Variants in DLGAP1 observed in about 807,000 individuals in gnomAD.
The protein encoded by DLGAP1 is disks large-associated protein 1.
Under a neutral mutation model 90.8 loss-of-function variants are expected in DLGAP1, and 11 were observed. That is an observed-to-expected ratio of 0.12 (90% confidence interval 0.08 to 0.20). The LOEUF (loss-of-function observed/expected upper bound fraction) is 0.20. DLGAP1 is among the 10% of genes least tolerant of loss of function. The pLI, the probability that DLGAP1 is intolerant of heterozygous loss-of-function variation, is 1.00. For synonymous variants in DLGAP1, 558 were observed against 540.7 expected, an observed-to-expected ratio of 1.03 and a Z score of -0.44; for missense variants, 1,050 against 1,333.8, an observed-to-expected ratio of 0.79 and a Z score of 3.31.
At chr18:4,055,757 A>ATG (rs988676474) in intron 2 of DLGAP1, among the ~76,000 whole-genome samples, 31 of 152,116 alleles carry the variant, frequency 2.0e-4, no homozygotes, top group African/African-American at 7.5e-4. Flanking sequence ...GAATGGTGAG[A>ATG]TGTGTGTGGG....
chr18:3,956,461 G>C (rs1383970945), intron 3 of DLGAP1, among the ~76,000 whole-genome samples: 1 of 151,534 alleles, frequency 6.6e-6, no homozygotes, highest in East Asian at 1.9e-4. Flanking sequence ...CCATTCTCCT[G>C]CCTCAGCCTC....
chr18:3,864,450 C>G (rs1027365010), intron 4 of DLGAP1, among the ~76,000 whole-genome samples: 3 of 152,126 alleles, frequency 2.0e-5, no homozygotes, highest in African/African-American at 4.8e-5. Flanking sequence ...GAAGTGGAGG[C>G]TTTTAAACAT....
At chr18:4,058,750 T>C (rs1305642395) in intron 2 of DLGAP1, among the ~76,000 whole-genome samples, 2 of 152,334 alleles carry the variant, frequency 1.3e-5, no homozygotes, top group Non-Finnish European at 1.5e-5. Context: ...ATAATGTCCA[T>C]GCCCTTTTCA....
At chr18:3,623,788 A>C (rs1332928947) in intron 7 of DLGAP1, among the ~76,000 whole-genome samples, 3 of 151,764 alleles carry the variant, frequency 2.0e-5, no homozygotes, top group Non-Finnish European at 4.4e-5. Context: ...AAAAAAAAAA[A>C]AAAAAAAAAG....
chr18:4,053,147 T>C (rs1166472673), intron 2 of DLGAP1, among the ~76,000 whole-genome samples: 1 of 152,234 alleles, frequency 6.6e-6, no homozygotes, highest in East Asian at 1.9e-4. Flanking sequence ...CAATTTACTA[T>C]ATTAATCTGT....
intron 7 of DLGAP1, among the ~76,000 whole-genome samples, chr18:3,726,164 A>G (rs552499625): frequency 6.6e-6 from 1 of 152,334 alleles, no homozygotes; most frequent in South Asian, 2.1e-4. Flanking sequence ...GAGCAAAGGA[A>G]GAGAGAAAAG....
intron 3 of DLGAP1, among the ~76,000 whole-genome samples, chr18:3,947,854 C>G (rs914816256): frequency 6.6e-6 from 1 of 152,154 alleles, no homozygotes; most frequent in Non-Finnish European, 1.5e-5. Flanking sequence ...AGATCAGGGC[C>G]TCAAAGGCAA....
chr18:4,429,574 A>C (rs766724084), intron 1 of DLGAP1, among the ~76,000 whole-genome samples: 59 of 152,336 alleles, frequency 3.9e-4, no homozygotes, highest in Non-Finnish European at 7.5e-4. Flanking sequence ...AAGCCTGGTG[A>C]CACTAAGTGT....
At chr18:4,204,875 C>T (rs983525012) in intron 1 of DLGAP1, among the ~76,000 whole-genome samples, 5 of 99,628 alleles carry the variant, frequency 5.0e-5, no homozygotes, top group East Asian at 8.4e-4. Context: ...AGCCTTTTCC[C>T]AATTTTTTTT....
Position 4,084,349 on chromosome 18 carries a change from T to C in DLGAP1, c.-159+66831A>G, listed in dbSNP as rs1215727894. 3.3e-5 allele frequency among the ~76,000 whole-genome samples: 5 copies of C among 152,224 alleles called. No individual in the cohort carries two copies. The highest frequency in any genetic ancestry group is 1.2e-4 in the African/African-American group (5 of 41,460). ...TTACCATAACTCATTTAACAATCTT[T>C]CCATTGTTAAAAATTTAGATTTGTT... On this transcript the variant is annotated intron_variant, in intron 2 of 12. Transcript: ENST00000315677. This position sits in a 1 kb window ranked among gnomAD's most constrained non-coding sequence, Gnocchi z 4.0.
intron 8 of DLGAP1, among the ~76,000 whole-genome samples, chr18:3,580,914 C>T (rs1175419026): frequency 1.3e-5 from 2 of 152,158 alleles, no homozygotes; most frequent in Non-Finnish European, 2.9e-5. Flanking sequence ...TGCTGGGTAT[C>T]CCCCAGCCCC....
chr18:3,969,289 G>C (rs2073394838), intron 3 of DLGAP1, among the ~76,000 whole-genome samples: 2 of 152,030 alleles, frequency 1.3e-5, no homozygotes, highest in South Asian at 4.2e-4. Context: ...ACCAATAATT[G>C]TCATCTGAAA....
At chr18:4,014,570 A>G (rs1336514389) in intron 2 of DLGAP1, among the ~76,000 whole-genome samples, 1 of 152,212 alleles carries the variant, frequency 6.6e-6, no homozygotes, top group Non-Finnish European at 1.5e-5. Flanking sequence ...CCCAACACAA[A>G]GAAAAGATAA....
intron 7 of DLGAP1, among the ~76,000 whole-genome samples, chr18:3,663,307 G>C (rs945805940): frequency 4.6e-5 from 7 of 152,114 alleles, no homozygotes; most frequent in Admixed American, 2.6e-4. Flanking sequence ...ACTTGAGCTT[G>C]AGATAAGGTT....
intron 1 of DLGAP1, chr18:4,275,452 T>C (rs1240041325): frequency 6.6e-6 from 1 of 152,208 alleles, no homozygotes; most frequent in Non-Finnish European, 1.5e-5. Flanking sequence ...GCAATCTTGA[T>C]CCTCTTACTC....
In DLGAP1 at chr18:4,188,529, T is replaced by C. The variant is rs529728241; in HGVS notation, c.-266-37242A>G. The stretch of plus-strand genomic sequence containing the variant: ...CCCTCTCTGTGTCTATGTGTTCTCA[T>C]TGTTCAACTTCCACTTATGAGTGAG... On this transcript the variant is annotated intron_variant, in intron 1 of 12. Coordinates refer to ENST00000315677, the MANE Select transcript of DLGAP1 (RefSeq NM_004746.4). 3.0e-4 allele frequency among the ~76,000 whole-genome samples: 45 copies of C among 152,244 alleles called. No individual in the cohort carries two copies. In the South Asian group the frequency reaches 7.5e-3, roughly 25 times the overall value.
intron 1 of DLGAP1, among the ~76,000 whole-genome samples, chr18:4,263,541 T>A (rs1365809267): frequency 6.6e-6 from 1 of 152,154 alleles, no homozygotes; most frequent in African/African-American, 2.4e-5. Flanking sequence ...CTACCAAATA[T>A]GGCCAAAGAG....
At chr18:4,248,055 G>A (rs934870730) in intron 1 of DLGAP1, among the ~76,000 whole-genome samples, 20 of 151,988 alleles carry the variant, frequency 1.3e-4, no homozygotes, top group South Asian at 2.1e-4. Context: ...AAAAAATATC[G>A]TGATTTTGGT....
intron 1 of DLGAP1, among the ~76,000 whole-genome samples, chr18:4,405,600 G>C (rs893703459): frequency 1.3e-5 from 2 of 152,130 alleles, no homozygotes; most frequent in Non-Finnish European, 2.9e-5. Flanking sequence ...TAGACAGTGA[G>C]AGGGGACACA....
Sources: gnomAD v4.1 joint callset for allele counts (sites outside exome capture counted in the v4.1 genomes callset) on GRCh38, gnomAD v4.1.1 for gene constraint, Gnocchi (gnomAD v3.1) non-coding constraint, MANE v1.5 for transcripts, NCBI Gene and HGNC (gene_info 2026-07-23, HGNC 2026-07-21) for gene names.